The following CEP120 variants were observed in gnomAD, a reference collection of about 807,000 sequenced individuals.
The protein encoded by CEP120 is centrosomal protein 120.
A neutral mutation model predicts 126.5 loss-of-function variants in CEP120; 113 were observed. The ratio of observed to expected loss-of-function variants is 0.89; its 90% CI spans 0.77 to 1.04. CEP120 has a LOEUF of 1.04. Among genes scored for constraint, CEP120 ranks in the 50% least tolerant of loss-of-function variants. CEP120 has a pLI of 0.00. For missense variants in CEP120, 1,230 were observed against 1,155.7 expected, an observed-to-expected ratio of 1.06 and a Z score of -0.93; for synonymous variants, 400 against 394.3, an observed-to-expected ratio of 1.01 and a Z score of -0.17.
intron 4 of CEP120, among the ~76,000 whole-genome samples, chr5:123,408,454 C>T (rs536639463): frequency 1.5e-4 from 22 of 151,400 alleles, no homozygotes; most frequent in East Asian, 3.9e-4. Flanking sequence ...CAGAGCCTAC[C>T]GGTATTAAAA....
At chr5:123,408,862 A>T (rs1398359418) in intron 4 of CEP120, among the ~76,000 whole-genome samples, 1 of 152,210 alleles carries the variant, frequency 6.6e-6, no homozygotes, top group Non-Finnish European at 1.5e-5. Context: ...CATGAACACA[A>T]ATGCAAATAT....
chr5:123,399,812 C>T lies in CEP120; in HGVS notation c.464-528G>A, dbSNP rs564729648. 7.5e-4 allele frequency among the ~76,000 whole-genome samples: 114 copies of T among 152,230 alleles called. No individual in the cohort carries two copies. In the South Asian group the frequency reaches 0.022, roughly 29 times the overall value. On this transcript the variant is annotated intron_variant, in intron 4 of 19. Coordinates refer to ENST00000306467, the MANE Select transcript of CEP120 (RefSeq NM_001375405.1). ...CCATATCATACAGTCCTTCTGTATGCTATCCAGAAACATTTTTGGATAGTT... is the reference window on the plus strand; with the variant it reads ...CCATATCATACAGTCCTTCTGTATGTTATCCAGAAACATTTTTGGATAGTT...
At position 123,412,544 on chromosome 5, in the gene CEP120, G is replaced by T. The variant is rs1238865402; in HGVS notation, c.322-4C>A. 6.3e-7 allele frequency: 1 copy of T among 1,581,230 alleles called. No homozygotes were observed. The highest frequency in any genetic ancestry group is 1.9e-5 in the Admixed American group (1 of 53,588). ...GCAACTGGTACCATTTTGGTGCCTA[G>T]AGAATAATAAAATAACAAAACACCT... On this transcript the variant is annotated splice_polypyrimidine_tract_variant and splice_region_variant and intron_variant, in intron 3 of 19. Coordinates refer to ENST00000306467, the MANE Select transcript of CEP120 (RefSeq NM_001375405.1).
chr5:123,420,641 G>T (rs888704379), intron 1 of CEP120, among the ~76,000 whole-genome samples: 1 of 152,120 alleles, frequency 6.6e-6, no homozygotes, highest in Non-Finnish European at 1.5e-5. Context: ...AATCAGATTT[G>T]CATTTCAGAA....
rs549119039 is a variant in CEP120 at position 123,346,171 on chromosome 5, C to T, written c.*348G>A. The T allele has an allele frequency of 5.6e-5, 11 of 195,038 alleles. No individual in the cohort carries two copies. In the South Asian group the frequency reaches 1.0e-3, roughly 18 times the overall value. 12.1% of individuals were successfully genotyped at this position (195,038 alleles called of 1,614,324 possible). A position where few individuals can be genotyped will look rare whatever the true frequency, so the allele number is the denominator to read the frequency against. ...TAAAGTGCAAGATATACTCTTTTGG[C>T]TCAACATGAAACATTATAGAACTGG... On this transcript the variant is annotated 3_prime_UTR_variant, in exon 20 of 20. Coordinates refer to ENST00000306467, the MANE Select transcript of CEP120 (RefSeq NM_001375405.1).
intron 14 of CEP120, among the ~76,000 whole-genome samples, chr5:123,380,050 CT>C (rs1170158123): frequency 6.6e-6 from 1 of 152,084 alleles, no homozygotes; most frequent in African/African-American, 2.4e-5. Flanking sequence ...ATATCTACTC[CT>C]TCAGGTAAAT....
chr5:123,360,636 T>C (rs1770003690), intron 18 of CEP120, among the ~76,000 whole-genome samples: 1 of 101,964 alleles, frequency 9.8e-6, no homozygotes, highest in Non-Finnish European at 2.3e-5. Flanking sequence ...CTAAAATTAC[T>C]TTGCAATGCT....
intron 4 of CEP120, among the ~76,000 whole-genome samples, chr5:123,402,953 T>A (rs1418401997): frequency 6.6e-6 from 1 of 152,212 alleles, no homozygotes; most frequent in African/African-American, 2.4e-5. Context: ...TATGTGAGGA[T>A]GTAGGACGAA....
intron 9 of CEP120, among the ~76,000 whole-genome samples, chr5:123,387,466 A>T (rs1772106026): frequency 2.0e-5 from 3 of 152,134 alleles, no homozygotes; most frequent in African/African-American, 7.2e-5. Context: ...GCAGATAAGA[A>T]ACTTTTCAAA....
chr5:123,389,850 C>T, intron 8 of CEP120, 74 bp downstream of exon 8: 1 of 1,330,496 alleles, frequency 7.5e-7, no homozygotes, highest in Non-Finnish European at 1.1e-6. Flanking sequence ...CATGAAAGTT[C>T]TCATAGTCAT....
chr5:123,404,638 A>T (rs888117274), intron 4 of CEP120, among the ~76,000 whole-genome samples: 1 of 152,240 alleles, frequency 6.6e-6, no homozygotes, highest in African/African-American at 2.4e-5. Flanking sequence ...CTGAATTATA[A>T]TATCTTCTCA....
chr5:123,373,428 G>C (rs551322174), intron 16 of CEP120, among the ~76,000 whole-genome samples: 150 of 152,202 alleles, frequency 9.9e-4, no homozygotes, highest in African/African-American at 3.4e-3. Context: ...GAAATTTCTT[G>C]AATTTGAAGA....
At chr5:123,376,308 C>G (rs921103209) in intron 16 of CEP120, among the ~76,000 whole-genome samples, 8 of 151,994 alleles carry the variant, frequency 5.3e-5, no homozygotes, top group African/African-American at 1.7e-4. Flanking sequence ...ACACCAGGCC[C>G]AGATAATGCA....
chr5:123,413,681 A>G (rs1241527884), intron 3 of CEP120, among the ~76,000 whole-genome samples: 1 of 152,216 alleles, frequency 6.6e-6, no homozygotes, highest in African/African-American at 2.4e-5. Flanking sequence ...TGGTGCCTAT[A>G]CTGCTATTTT....
At chr5:123,389,235 CTCTT>C (rs1403818115) in intron 8 of CEP120, among the ~76,000 whole-genome samples, 1 of 152,172 alleles carries the variant, frequency 6.6e-6, no homozygotes, top group African/African-American at 2.4e-5. Context: ...CTTAGACTCT[CTCTT>C]AACTTCAGGA....
chr5:123,366,833 C>A (rs924509180), intron 17 of CEP120, among the ~76,000 whole-genome samples: 1 of 151,796 alleles, frequency 6.6e-6, no homozygotes, highest in Admixed American at 6.6e-5. Context: ...GAAAGCATTC[C>A]AAAATACAGT....
chr5:123,404,982 C>A (rs1773543082), intron 4 of CEP120, among the ~76,000 whole-genome samples: 1 of 152,200 alleles, frequency 6.6e-6, no homozygotes, highest in Admixed American at 6.5e-5. Flanking sequence ...AAAATAGGGA[C>A]TGTAAAACAT....
rs72789870 is a variant in CEP120, at chr5:123,389,884, A to G, written c.1255+40T>C. On this transcript the variant is annotated intron_variant, in intron 8 of 19. Transcript: ENST00000306467. The stretch of plus-strand genomic sequence containing the variant: ...ATTTTTTAGATGGCTGCAAAATGCA[A>G]TACCTCAAAGATCTATAAACAAACA... 0.018 allele frequency: 27,429 copies of G among 1,529,084 alleles called. 316 individuals are homozygous for G. Among genetic ancestry groups the G allele is most frequent in the Non-Finnish European group, 0.02 (22,349 of 1,108,288 alleles). 94.7% of individuals were successfully genotyped at this position (1,529,084 alleles called of 1,614,324 possible).
At chr5:123,409,622 T>C (rs1049792646) in intron 4 of CEP120, among the ~76,000 whole-genome samples, 1 of 152,160 alleles carries the variant, frequency 6.6e-6, no homozygotes, top group Non-Finnish European at 1.5e-5. Context: ...GAGGACATGA[T>C]TACATAAAAA....
Sources: gnomAD v4.1 joint callset for allele counts (sites outside exome capture counted in the v4.1 genomes callset) on GRCh38, gnomAD v4.1.1 for gene constraint, MANE v1.5 for transcripts, NCBI Gene and HGNC (gene_info 2026-07-23, HGNC 2026-07-21) for gene names.